ELAPOR1: variants seen among roughly 807,000 people sequenced by gnomAD.
ELAPOR1 encodes the protein endosome/lysosome-associated apoptosis and autophagy regulator 1.
Under a neutral mutation model 119.7 loss-of-function variants are expected in ELAPOR1, and 77 were observed. That is an observed-to-expected ratio of 0.64 (90% CI 0.54 to 0.78). The LOEUF (loss-of-function observed/expected upper bound fraction) is 0.78, where lower values mean the gene tolerates loss of function less well. ELAPOR1 is among the 30% of genes least tolerant of loss of function. The pLI, the probability that ELAPOR1 is intolerant of heterozygous loss-of-function variation, is 0.00. For missense variants in ELAPOR1, 1,115 were observed against 1,270.4 expected (o/e 0.88, Z 1.86); for synonymous variants, 481 against 487.2 (o/e 0.99, Z 0.17).
Position 109,172,482 on chromosome 1 carries a change from T to A in ELAPOR1, c.616-6T>A, listed in dbSNP as rs372801160. 6.2e-6 allele frequency: 10 copies of A among 1,610,304 alleles called. No homozygotes were observed. In the African/African-American group the frequency reaches 1.3e-4, roughly 22 times the overall value. On this transcript the variant is annotated splice_region_variant and splice_polypyrimidine_tract_variant and intron_variant, in intron 4 of 21. Transcript: ENST00000369939. ...AGACTCTGGTCCCAAACTCTTTTTA[T>A]GTCAGGTTCAGAATGACCAGTGCCA...
chr1:109,193,598 A>G, intron 14 of ELAPOR1, among the ~76,000 whole-genome samples: 1 of 152,252 alleles, frequency 6.6e-6, no homozygotes, highest in East Asian at 1.9e-4. Context: ...TGTTGCCCCC[A>G]TGTACTTTCT....
chr1:109,189,994 A>T (rs1653329910), intron 11 of ELAPOR1, among the ~76,000 whole-genome samples: 1 of 152,210 alleles, frequency 6.6e-6, no homozygotes, highest in Admixed American at 6.5e-5. Flanking sequence ...ATAAAAAATA[A>T]TGGGGTCAGA....
intron 2 of ELAPOR1, among the ~76,000 whole-genome samples, chr1:109,163,567 AT>A (rs35626059): frequency 0.025 from 3,699 of 147,882 alleles, 122 homozygotes; most frequent in African/African-American, 0.082. Flanking sequence ...TAATTTAAAC[AT>A]TTTTTTTTTT....
intron 1 of ELAPOR1, among the ~76,000 whole-genome samples, chr1:109,115,711 G>T (rs1433668680): frequency 2.0e-5 from 3 of 152,172 alleles, no homozygotes; most frequent in African/African-American, 7.2e-5. Flanking sequence ...TGGGGGGGAG[G>T]ATTTTTGTGT....
intron 16 of ELAPOR1, 103 bp downstream of exon 16, chr1:109,197,757 G>A: frequency 7.7e-7 from 1 of 1,304,578 alleles, no homozygotes; most frequent in South Asian, 1.5e-5. Context: ...GAGGTAAAAG[G>A]CCCCACATGA....
chr1:109,191,661 G>A, intron 12 of ELAPOR1, 65 bp from the exon 13 acceptor site: 1 of 1,598,466 alleles, frequency 6.3e-7, no homozygotes, highest in Non-Finnish European at 8.6e-7. Context: ...TGGGATGGCA[G>A]CCACATGGGC....
chr1:109,133,395 T>C (rs1649271595), intron 1 of ELAPOR1, among the ~76,000 whole-genome samples: 1 of 150,476 alleles, frequency 6.6e-6, no homozygotes, highest in Non-Finnish European at 1.5e-5. Context: ...TCACAGCCCA[T>C]GAAAAAAAAC....
rs560339462 is a variant in ELAPOR1, at chr1:109,178,178, T to G, written c.952+4341T>G. ...GTGCCTGCCACTATGCTTGCCTAAATTTTTGTATTTTTAGTAGAGACGGGG... is the reference window on the plus strand; with the variant it reads ...GTGCCTGCCACTATGCTTGCCTAAAGTTTTGTATTTTTAGTAGAGACGGGG... On this transcript the variant is annotated intron_variant, in intron 7 of 21. Transcript: ENST00000369939. Among the ~76,000 whole-genome samples, 141 of 152,204 alleles carry G rather than the reference T, an allele frequency of 9.3e-4. 1 individual carries two copies. The highest frequency in any genetic ancestry group is 3.3e-3 in the African/African-American group (136 of 41,522).
chr1:109,128,553 C>A (rs1428488876), intron 1 of ELAPOR1, among the ~76,000 whole-genome samples: 1 of 152,176 alleles, frequency 6.6e-6, no homozygotes, highest in Non-Finnish European at 1.5e-5. Flanking sequence ...GTCATCCAGT[C>A]CCAAGGCATC....
intron 1 of ELAPOR1, among the ~76,000 whole-genome samples, chr1:109,128,197 C>A (rs937982885): frequency 7.9e-5 from 12 of 152,092 alleles, no homozygotes; most frequent in Non-Finnish European, 1.6e-4. Context: ...TTTAAAAGAT[C>A]CACAAAACTA....
At chr1:109,150,140 G>T (rs2101017610) in intron 1 of ELAPOR1, among the ~76,000 whole-genome samples, 1 of 152,352 alleles carries the variant, frequency 6.6e-6, no homozygotes, top group African/African-American at 2.4e-5. Context: ...TCAAGGTCCT[G>T]CCTGGCCCAG....
Position 109,172,531 on chromosome 1 carries a change from G to A in ELAPOR1, c.659G>A (p.Trp220Ter). The change falls in exon 5 of 22, where the codon TGG becomes TAG. Residue 220 changes from tryptophan to a stop codon, truncating the protein, a stop_gained. Transcript: ENST00000369939. LOFTEE classifies it high-confidence loss of function. ...CAGCCCAATGCAGATGACTCCAGGT[G>A]GATGAAGACCACAGAGAAAGGATGG... ...QCQPNADDSR[W>*]MKTTEKGWEF... 1.2e-6 allele frequency: 2 copies of A among 1,613,852 alleles called. No individual in the cohort carries two copies. The highest frequency in any genetic ancestry group is 1.7e-6 in the Non-Finnish European group (2 of 1,179,776).
intron 17 of ELAPOR1, 74 bp from the exon 18 acceptor site, chr1:109,198,499 G>T: frequency 1.5e-6 from 2 of 1,349,282 alleles, no homozygotes; most frequent in Non-Finnish European, 2.1e-6. Context: ...TGCTCCATGC[G>T]GATTTCTCTT....
chr1:109,149,288 C>T (rs1015416187), intron 1 of ELAPOR1, among the ~76,000 whole-genome samples: 1 of 151,688 alleles, frequency 6.6e-6, no homozygotes, highest in African/African-American at 2.4e-5. Flanking sequence ...CCTCTTCAGG[C>T]AGGGTTAGAG....
intron 8 of ELAPOR1, chr1:109,186,881 G>T: frequency 2.0e-6 from 2 of 985,456 alleles, no homozygotes; most frequent in African/African-American, 1.7e-5. Flanking sequence ...GACCACTGCC[G>T]GGGCCTTTAG....
chr1:109,175,956 T>C (rs562956158), intron 7 of ELAPOR1, among the ~76,000 whole-genome samples: 1 of 152,214 alleles, frequency 6.6e-6, no homozygotes, highest in East Asian at 1.9e-4. Flanking sequence ...CCTATATTGA[T>C]GAACAAGAAG....
chr1:109,173,097 CAA>C (rs58149393), intron 5 of ELAPOR1, among the ~76,000 whole-genome samples: 1,277 of 91,822 alleles, frequency 0.014, 13 homozygotes, highest in African/African-American at 0.035. Context: ...AACTCTGTCT[CAA>C]AAAAAAAAAA....
intron 10 of ELAPOR1, 78 bp from the exon 11 acceptor site, chr1:109,189,514 C>A: frequency 7.6e-7 from 1 of 1,310,946 alleles, no homozygotes. Context: ...TCAAACCTCC[C>A]TTCCAGAGTG....
Position 109,203,285 on chromosome 1 carries a change from C to T in ELAPOR1, c.*273C>T. 4.4e-6 allele frequency: 2 copies of T among 454,562 alleles called. No homozygotes were observed. The highest frequency in any genetic ancestry group is 7.9e-6 in the Non-Finnish European group (2 of 254,248). 28.2% of individuals were successfully genotyped at this position (454,562 alleles called of 1,614,324 possible). ...AATGGCCCATCCGCCAGAGCCATAGCTTCGTCTGCTCATAATTCTTATAGC... is the reference window on the plus strand; with the variant it reads ...AATGGCCCATCCGCCAGAGCCATAGTTTCGTCTGCTCATAATTCTTATAGC... On this transcript the variant is annotated 3_prime_UTR_variant, in exon 22 of 22. Transcript: ENST00000369939.
Sources: gnomAD v4.1 joint callset for allele counts (sites outside exome capture counted in the v4.1 genomes callset) on GRCh38, gnomAD v4.1.1 for gene constraint, MANE v1.5 for transcripts, NCBI Gene and HGNC (gene_info 2026-07-23, HGNC 2026-07-21) for gene names.